The following CDH12 variants were observed in gnomAD, a reference collection of about 807,000 sequenced individuals.
CDH12 encodes cadherin-12.
A neutral mutation model predicts 74.1 loss-of-function variants in CDH12; 41 were observed. The observed-to-expected ratio is 0.55, with a 90% CI of 0.43 to 0.72. The LOEUF is 0.72. Ranked by LOEUF, CDH12 falls within the 30% of genes least tolerant of loss-of-function variation. CDH12 has a pLI of 0.00. For synonymous variants in CDH12, 399 were observed against 355.0 expected, an observed-to-expected ratio of 1.12 and a Z score of -1.39; for missense variants, 945 against 977.2, an observed-to-expected ratio of 0.97 and a Z score of 0.44.
chr5:21,847,972 G>A (rs1750267603), intron 7 of CDH12, among the ~76,000 whole-genome samples: 1 of 152,090 alleles, frequency 6.6e-6, no homozygotes, highest in Admixed American at 6.6e-5. Flanking sequence ...CTAGCTAGAA[G>A]AATACCAGGC....
chr5:22,765,789 T>A (rs922575197), intron 1 of CDH12, among the ~76,000 whole-genome samples: 1 of 151,880 alleles, frequency 6.6e-6, no homozygotes, highest in African/African-American at 2.4e-5. Flanking sequence ...GTATTTGCTT[T>A]TATGTTCTCA....
rs201118687 is a variant in CDH12 at position 22,820,828 on chromosome 5, C to A, written c.-523+32230G>T. On this transcript the variant is annotated intron_variant, in intron 1 of 14. Transcript: ENST00000382254. ...GTACAAGGAGGAACCGGTACCATTCCTTCTGAAACTATTCCAATCAATAGA... is the reference window on the plus strand; with the variant it reads ...GTACAAGGAGGAACCGGTACCATTCATTCTGAAACTATTCCAATCAATAGA... 1.4e-4 allele frequency among the ~76,000 whole-genome samples: 22 copies of A among 152,258 alleles called. No individual in the cohort carries two copies. The East Asian group carries it at 3.9e-3, about 27-fold the overall frequency.
intron 5 of CDH12, among the ~76,000 whole-genome samples, chr5:22,005,483 G>C (rs566640902): frequency 6.6e-6 from 1 of 151,196 alleles, no homozygotes; most frequent in Non-Finnish European, 1.5e-5. Flanking sequence ...CTTTTCCTTT[G>C]TGTAGATATA....
At chr5:22,743,331 A>G (rs1745131890) in intron 1 of CDH12, among the ~76,000 whole-genome samples, 1 of 149,822 alleles carries the variant, frequency 6.7e-6, no homozygotes, top group Admixed American at 6.7e-5. Flanking sequence ...TGCACATCTT[A>G]TTGGATTCAT....
At chr5:22,081,795 C>T (rs1742746259) in intron 4 of CDH12, among the ~76,000 whole-genome samples, 1 of 152,202 alleles carries the variant, frequency 6.6e-6, no homozygotes, top group East Asian at 1.9e-4. Context: ...AAAATCTGAG[C>T]TGTGGCTCCC....
intron 4 of CDH12, among the ~76,000 whole-genome samples, chr5:22,101,049 A>G (rs184857032): frequency 1.3e-4 from 20 of 152,204 alleles, no homozygotes; most frequent in South Asian, 1.2e-3. Flanking sequence ...CACTATTTTT[A>G]TTACAAAAAC....
At chr5:22,448,277 T>G (rs1017485560) in intron 2 of CDH12, among the ~76,000 whole-genome samples, 1 of 152,100 alleles carries the variant, frequency 6.6e-6, no homozygotes, top group East Asian at 1.9e-4. Context: ...ATTATTATAT[T>G]AATTCTGTGG....
At chr5:22,011,906 A>T (rs1337741403) in intron 5 of CDH12, among the ~76,000 whole-genome samples, 1 of 151,846 alleles carries the variant, frequency 6.6e-6, no homozygotes, top group Non-Finnish European at 1.5e-5. Flanking sequence ...AAAACTAGGG[A>T]TTGGAAAACA....
chr5:22,092,858 C>T (rs969639993), intron 4 of CDH12, among the ~76,000 whole-genome samples: 1 of 152,080 alleles, frequency 6.6e-6, no homozygotes, highest in Admixed American at 6.6e-5. Flanking sequence ...TACATAAAAA[C>T]CAATGGGATT....
chr5:22,495,066 G>T (rs972994568), intron 2 of CDH12, among the ~76,000 whole-genome samples: 4 of 152,144 alleles, frequency 2.6e-5, no homozygotes, highest in African/African-American at 7.2e-5. Flanking sequence ...AATTGAAGAA[G>T]CAGTTATCCT....
chr5:22,027,622 C>G (rs1282563946), intron 5 of CDH12, among the ~76,000 whole-genome samples: 1 of 152,140 alleles, frequency 6.6e-6, no homozygotes, highest in African/African-American at 2.4e-5. Flanking sequence ...GTAGTATTCT[C>G]TGATGGTAGT....
intron 1 of CDH12, among the ~76,000 whole-genome samples, chr5:22,734,832 T>C (rs1744604869): frequency 1.3e-5 from 2 of 151,956 alleles, no homozygotes; most frequent in Admixed American, 6.6e-5. Flanking sequence ...ATGAGTAAGA[T>C]AGCCACAACA....
intron 4 of CDH12, among the ~76,000 whole-genome samples, chr5:22,191,864 C>T (rs1476798208): frequency 6.6e-6 from 1 of 152,014 alleles, no homozygotes; most frequent in Non-Finnish European, 1.5e-5. Flanking sequence ...GCGCCCGGCC[C>T]ACCAATGGTC....
At chr5:21,865,965 A>G (rs1356666041) in intron 6 of CDH12, among the ~76,000 whole-genome samples, 1 of 152,118 alleles carries the variant, frequency 6.6e-6, no homozygotes, top group African/African-American at 2.4e-5. Flanking sequence ...TAATTGAATC[A>G]TGGGGATGGT....
chr5:21,841,429 C>A (rs1197606604), intron 8 of CDH12, among the ~76,000 whole-genome samples: 1 of 151,566 alleles, frequency 6.6e-6, no homozygotes, highest in African/African-American at 2.4e-5. Context: ...ACTAGTTCGA[C>A]CATTGTGGAA....
At chr5:22,783,440 A>T (rs958640039) in intron 1 of CDH12, among the ~76,000 whole-genome samples, 1 of 152,120 alleles carries the variant, frequency 6.6e-6, no homozygotes, top group Non-Finnish European at 1.5e-5. Context: ...GTTAGAATAG[A>T]CTTTGTTAAA....
intron 10 of CDH12, among the ~76,000 whole-genome samples, chr5:21,792,743 T>C (rs1432360382): frequency 1.3e-5 from 2 of 151,662 alleles, no homozygotes; most frequent in African/African-American, 4.8e-5. Flanking sequence ...AAAAATAACT[T>C]TATCTTTGAC....
intron 1 of CDH12, among the ~76,000 whole-genome samples, chr5:22,506,956 C>A (rs1386052071): frequency 3.9e-5 from 6 of 152,050 alleles, no homozygotes; most frequent in Admixed American, 3.9e-4. Flanking sequence ...TTTTTCATTT[C>A]TTTATGAAAT....
At chr5:22,242,037 TA>T (rs1360963394) in intron 3 of CDH12, among the ~76,000 whole-genome samples, 1 of 152,114 alleles carries the variant, frequency 6.6e-6, no homozygotes, top group Admixed American at 6.6e-5. Flanking sequence ...TTAAAACAAT[TA>T]TTCTAAACTG....
Sources: gnomAD v4.1 joint callset for allele counts (sites outside exome capture counted in the v4.1 genomes callset) on GRCh38, gnomAD v4.1.1 for gene constraint, MANE v1.5 for transcripts, NCBI Gene and HGNC (gene_info 2026-07-23, HGNC 2026-07-21) for gene names.